Variants in ADK observed in about 807,000 individuals in gnomAD.
ADK encodes adenosine kinase.
In ADK, 24 loss-of-function variants were observed where a neutral mutation model predicts 44.7. The ratio of observed to expected loss-of-function variants is 0.54; its 90% confidence interval spans 0.39 to 0.76. The LOEUF is 0.76. Among genes scored for constraint, ADK ranks in the 30% least tolerant of loss-of-function variants. The pLI, the probability that ADK is intolerant of heterozygous loss-of-function variation, is 0.00. For missense variants in ADK, 321 were observed against 425.1 expected (o/e 0.76, Z 2.15); for synonymous variants, 128 against 142.6 (o/e 0.90, Z 0.73).
At chr10:74,554,921 T>G (rs572228051) in intron 7 of ADK, among the ~76,000 whole-genome samples, 1 of 152,356 alleles carries the variant, frequency 6.6e-6, no homozygotes, top group East Asian at 1.9e-4. Context: ...TGTAATAGTC[T>G]TTGTGGTAAG....
intron 6 of ADK, among the ~76,000 whole-genome samples, chr10:74,512,826 C>A (rs1848395117): frequency 6.6e-6 from 1 of 151,150 alleles, no homozygotes. Context: ...TTATTCTTTT[C>A]TAGTTCTTTG....
chr10:74,623,557 G>A (rs544848022), intron 9 of ADK, among the ~76,000 whole-genome samples: 1 of 152,204 alleles, frequency 6.6e-6, no homozygotes, highest in Admixed American at 6.5e-5. Context: ...GTTAGAATTT[G>A]TTAGAGCTGG....
At chr10:74,690,563 G>A (rs1855955947) in intron 10 of ADK, among the ~76,000 whole-genome samples, 1 of 152,070 alleles carries the variant, frequency 6.6e-6, no homozygotes, top group African/African-American at 2.4e-5. Flanking sequence ...TTCCCGCTGT[G>A]TCCCCAACTC....
rs183989571 is a variant in ADK at position 74,392,847 on chromosome 10, A to G, written c.274-1294A>G. Among the ~76,000 whole-genome samples, 414 of 152,210 alleles carry G rather than the reference A, an allele frequency of 2.7e-3. 3 individuals are homozygous for G. Among genetic ancestry groups the G allele is most frequent in the Non-Finnish European group, 4.3e-3 (294 of 67,972 alleles). On this transcript the variant is annotated intron_variant, in intron 4 of 10. Transcript: ENST00000539909. The stretch of plus-strand genomic sequence containing the variant: ...CAAAATATCCTGGAAATTACTTTGT[A>G]TAGAAGGAGTGTTCCACAGAGCTTT...
chr10:74,623,892 G>A (rs1034251272), intron 9 of ADK, among the ~76,000 whole-genome samples: 10 of 151,924 alleles, frequency 6.6e-5, no homozygotes, highest in Admixed American at 6.6e-4. Context: ...ATTATTGTTT[G>A]TACCAGTGAG....
intron 10 of ADK, among the ~76,000 whole-genome samples, chr10:74,694,871 G>T (rs891885158): frequency 2.6e-5 from 4 of 151,736 alleles, no homozygotes; most frequent in African/African-American, 9.7e-5. Flanking sequence ...CTACCTCTAG[G>T]ACATAAAGAT....
At chr10:74,546,405 T>G (rs186104255) in intron 7 of ADK, among the ~76,000 whole-genome samples, 4 of 152,304 alleles carry the variant, frequency 2.6e-5, no homozygotes, top group African/African-American at 9.6e-5. Context: ...CTCTGTTTTT[T>G]TTAGTTGCTC....
intron 6 of ADK, among the ~76,000 whole-genome samples, chr10:74,439,890 T>C (rs1845336382): frequency 6.6e-6 from 1 of 152,148 alleles, no homozygotes; most frequent in African/African-American, 2.4e-5. Context: ...CTAGTAGGCA[T>C]ATATGCTTCA....
chr10:74,228,610 C>A (rs925346358), intron 3 of ADK, among the ~76,000 whole-genome samples: 1 of 152,116 alleles, frequency 6.6e-6, no homozygotes, highest in Non-Finnish European at 1.5e-5. Flanking sequence ...GTAAAAGATA[C>A]TGATTTTATT....
chr10:74,401,808 G>A (rs1041652059), intron 6 of ADK, among the ~76,000 whole-genome samples: 3 of 152,090 alleles, frequency 2.0e-5, no homozygotes, highest in Non-Finnish European at 2.9e-5. Flanking sequence ...TATTTTGCTC[G>A]TTAGTTGATG....
chr10:74,276,131 A>G (rs1303554449), intron 3 of ADK, among the ~76,000 whole-genome samples: 1 of 152,140 alleles, frequency 6.6e-6, no homozygotes, highest in Non-Finnish European at 1.5e-5. Flanking sequence ...ATGTTTACCC[A>G]TTGCACGTGC....
chr10:74,649,181 C>A (rs1854164423), intron 9 of ADK, among the ~76,000 whole-genome samples: 1 of 151,816 alleles, frequency 6.6e-6, no homozygotes, highest in Non-Finnish European at 1.5e-5. Flanking sequence ...CTACTGCACT[C>A]CAGCCTGGAT....
At chr10:74,167,668 G>C (rs1842066438) in intron 1 of ADK, among the ~76,000 whole-genome samples, 1 of 152,144 alleles carries the variant, frequency 6.6e-6, no homozygotes, top group South Asian at 2.1e-4. Context: ...CCTCTCAAAG[G>C]CTAGCTTAGA....
intron 2 of ADK, among the ~76,000 whole-genome samples, chr10:74,201,218 A>G (rs1843364880): frequency 6.6e-6 from 1 of 152,222 alleles, no homozygotes; most frequent in African/African-American, 2.4e-5. Context: ...CTCAGAAGCT[A>G]TAATGGGAGA....
At chr10:74,368,197 C>A (rs1038968999) in intron 4 of ADK, among the ~76,000 whole-genome samples, 1 of 152,138 alleles carries the variant, frequency 6.6e-6, no homozygotes, top group Non-Finnish European at 1.5e-5. Context: ...ACATGGCTCA[C>A]TGCAGTTTTG....
In ADK at chr10:74,290,078, G is replaced by GCACACA. The variant is rs1554838780; in HGVS notation, c.195-24571_195-24566dup. 1.7e-4 allele frequency among the ~76,000 whole-genome samples: 26 copies of GCACACA among 149,120 alleles called. 1 individual carries two copies. Among genetic ancestry groups the GCACACA allele is most frequent in the African/African-American group, 4.4e-4 (18 of 40,494 alleles). ...ACTCAAGTCACTAAACTACTCACGC[G>GCACACA]CACACACACACACACACACACACTC... On this transcript the variant is annotated intron_variant, in intron 3 of 10. Coordinates refer to ENST00000539909, the MANE Select transcript of ADK (RefSeq NM_006721.4).
chr10:74,594,372 T>G (rs1851822688), intron 8 of ADK, among the ~76,000 whole-genome samples: 1 of 141,640 alleles, frequency 7.1e-6, no homozygotes, highest in South Asian at 2.2e-4. Flanking sequence ...CTACTAGTAA[T>G]TCAAATGAAG....
intron 3 of ADK, among the ~76,000 whole-genome samples, chr10:74,244,135 A>C (rs1845327118): frequency 6.6e-6 from 1 of 152,218 alleles, no homozygotes; most frequent in South Asian, 2.1e-4. Flanking sequence ...TCAATATTCA[A>C]ATATATTTTT....
chr10:74,404,177 GTTT>G (rs34848917), intron 6 of ADK, among the ~76,000 whole-genome samples: 1 of 144,694 alleles, frequency 6.9e-6, no homozygotes. Flanking sequence ...CAGCCTAATT[GTTT>G]TTTTTTTTTT....
Sources: allele counts gnomAD v4.1 joint callset (sites outside exome capture counted in the v4.1 genomes callset), GRCh38; gene constraint gnomAD v4.1.1; transcripts MANE v1.5; gene names NCBI Gene and HGNC (gene_info 2026-07-23, HGNC 2026-07-21).